Variants in TYW1B observed in about 807,000 individuals in gnomAD.
TYW1B encodes the protein tRNA-yW synthesizing protein 1 homolog B.
A neutral mutation model predicts 86.9 loss-of-function variants in TYW1B; 73 were observed. The observed-to-expected ratio is 0.84, with a 90% CI of 0.70 to 1.02. The LOEUF (loss-of-function observed/expected upper bound fraction) is 1.02. TYW1B is among the 50% of genes least tolerant of loss of function. The probability of loss-of-function intolerance (pLI) is 0.00; values close to 1 mark genes in which losing one functional copy is unlikely to be tolerated. For synonymous variants in TYW1B, 248 were observed against 292.8 expected (o/e 0.85, Z 1.56); for missense variants, 637 against 827.4 (o/e 0.77, Z 2.82).
chr7:72,692,205 C>CAAAAAAAAAAAAAAAAAAAAAAAA (rs1168197742), intron 11 of TYW1B, among the ~76,000 whole-genome samples: 1 of 62,808 alleles, frequency 1.6e-5, no homozygotes, highest in Admixed American at 2.0e-4. Flanking sequence ...GACTCCATCT[C>CAAAAAAAAAAAAAAAAAAAAAAAA]AAAAAAAAAA....
At chr7:72,643,640 T>C (rs1428408578) in intron 11 of TYW1B, among the ~76,000 whole-genome samples, 6 of 151,820 alleles carry the variant, frequency 4.0e-5, no homozygotes, top group East Asian at 1.9e-4. Flanking sequence ...CATACTATTA[T>C]TAGGAATGAG....
chr7:72,697,120 A>C (rs534115548), intron 10 of TYW1B, among the ~76,000 whole-genome samples: 1 of 151,966 alleles, frequency 6.6e-6, no homozygotes, highest in East Asian at 1.9e-4. Flanking sequence ...GGACTTTGTC[A>C]AAAGCTTCCT....
At chr7:72,712,469 C>T (rs1249144247) in intron 10 of TYW1B, among the ~76,000 whole-genome samples, 3 of 152,090 alleles carry the variant, frequency 2.0e-5, no homozygotes, top group East Asian at 1.9e-4. Context: ...GCTGGGATTA[C>T]AGGCATGCAC....
intron 11 of TYW1B, among the ~76,000 whole-genome samples, chr7:72,650,691 G>A (rs1554442664): frequency 3.9e-5 from 6 of 152,158 alleles, no homozygotes; most frequent in Non-Finnish European, 8.8e-5. Flanking sequence ...GGACCTAGCT[G>A]CCTGTTAGAG....
intron 11 of TYW1B, among the ~76,000 whole-genome samples, chr7:72,630,118 A>G (rs1211788425): frequency 6.6e-6 from 1 of 151,986 alleles, no homozygotes; most frequent in Non-Finnish European, 1.5e-5. Flanking sequence ...ACCTCTACTA[A>G]AAATACAAAA....
intron 11 of TYW1B, among the ~76,000 whole-genome samples, chr7:72,684,263 A>T (rs1813949682): frequency 6.6e-6 from 1 of 152,194 alleles, no homozygotes; most frequent in Admixed American, 6.6e-5. Flanking sequence ...AAATGCCAGA[A>T]AAACTATAGA....
intron 11 of TYW1B, 142 bp from the exon 12 acceptor site, chr7:72,629,139 T>C (rs1219137691): frequency 6.6e-6 from 4 of 605,948 alleles, no homozygotes; most frequent in Non-Finnish European, 1.1e-5. Context: ...AAGCTATATT[T>C]TGAGGAAAGA....
chr7:72,635,567 T>C (rs1193884190), intron 11 of TYW1B, among the ~76,000 whole-genome samples: 7 of 152,220 alleles, frequency 4.6e-5, no homozygotes, highest in Admixed American at 2.6e-4. Context: ...GGTGCCAACG[T>C]TGAAAAATCC....
At chr7:72,655,130 C>T (rs1465225097) in intron 11 of TYW1B, among the ~76,000 whole-genome samples, 4 of 152,012 alleles carry the variant, frequency 2.6e-5, no homozygotes, top group Non-Finnish European at 4.4e-5. Flanking sequence ...GATAACCACA[C>T]CTCGAAAAGA....
intron 11 of TYW1B, among the ~76,000 whole-genome samples, chr7:72,648,018 T>C (rs1340981601): frequency 1.4e-4 from 22 of 152,118 alleles, no homozygotes; most frequent in Non-Finnish European, 1.5e-4. Flanking sequence ...CAATGATGAA[T>C]TTTTTAAAAG....
At chr7:72,662,416 A>AAT (rs1218605719) in intron 11 of TYW1B, among the ~76,000 whole-genome samples, 2 of 137,948 alleles carry the variant, frequency 1.4e-5, no homozygotes, top group South Asian at 2.5e-4. Context: ...TCAGGTTTTT[A>AAT]ATATATATAT....
intron 9 of TYW1B, among the ~76,000 whole-genome samples, chr7:72,716,270 G>T (rs1229456133): frequency 6.7e-6 from 1 of 150,096 alleles, no homozygotes; most frequent in Admixed American, 6.6e-5. Context: ...AACTTTCTTA[G>T]CTGTGAATGG....
chr7:72,615,621 C>T (rs1812055266), intron 13 of TYW1B, among the ~76,000 whole-genome samples: 1 of 152,080 alleles, frequency 6.6e-6, no homozygotes, highest in Non-Finnish European at 1.5e-5. Flanking sequence ...AAACACACGC[C>T]CACAGGAACT....
chr7:72,756,684 G>T (rs4717064), intron 7 of TYW1B, among the ~76,000 whole-genome samples: 1 of 151,602 alleles, frequency 6.6e-6, no homozygotes, highest in South Asian at 2.1e-4. Flanking sequence ...GGTAGCCTGC[G>T]GTCGCTCAGC....
intron 11 of TYW1B, among the ~76,000 whole-genome samples, chr7:72,675,558 C>T (rs1201828395): frequency 0.014 from 979 of 71,060 alleles, 12 homozygotes; most frequent in African/African-American, 0.04. Context: ...TATATATATA[C>T]ACACATATAT....
intron 11 of TYW1B, among the ~76,000 whole-genome samples, chr7:72,675,190 G>C (rs148216677): frequency 2.1e-3 from 325 of 152,132 alleles, no homozygotes; most frequent in African/African-American, 7.3e-3. Flanking sequence ...CCTGAGATCA[G>C]GAGTTTGAGA....
chr7:72,821,519 G>T, intron 2 of TYW1B, among the ~76,000 whole-genome samples: 1 of 152,142 alleles, frequency 6.6e-6, no homozygotes, highest in Non-Finnish European at 1.5e-5. Context: ...CTGAATACAT[G>T]CAGTTTACTA....
intron 10 of TYW1B, among the ~76,000 whole-genome samples, chr7:72,695,083 A>G (rs1458480349): frequency 2.0e-5 from 3 of 152,166 alleles, no homozygotes; most frequent in African/African-American, 7.2e-5. Flanking sequence ...TCAAATACTA[A>G]GTTTGAATGG....
At chr7:72,802,284 G>A in intron 6 of TYW1B, 116 bp downstream of exon 6, 4 of 1,500,160 alleles carry the variant, frequency 2.7e-6, no homozygotes, top group Non-Finnish European at 3.6e-6. Flanking sequence ...TCTCAAGACA[G>A]AAGCTAGAGA....
Sources: allele counts gnomAD v4.1 joint callset (sites outside exome capture counted in the v4.1 genomes callset), GRCh38; gene constraint gnomAD v4.1.1; transcripts MANE v1.5; gene names NCBI Gene and HGNC (gene_info 2026-07-23, HGNC 2026-07-21).